The following PTN variants were observed in gnomAD, a reference collection of about 807,000 sequenced individuals.
PTN encodes the protein pleiotrophin.
PTN carries 18 observed loss-of-function variants against 24.1 expected under a neutral mutation model. That is an observed-to-expected ratio of 0.75 (90% CI 0.52 to 1.11). The LOEUF (loss-of-function observed/expected upper bound fraction) is 1.11. PTN is among the 50% of genes least tolerant of loss of function. The probability of loss-of-function intolerance (pLI) is 0.00; values close to 1 mark genes in which losing one functional copy is unlikely to be tolerated. For synonymous variants in PTN, 78 were observed against 68.6 expected (o/e 1.14, Z -0.67); for missense variants, 163 against 198.8 (o/e 0.82, Z 1.08).
chr7:137,320,487 G>T (rs1463300084), intron 1 of PTN, among the ~76,000 whole-genome samples: 1 of 152,142 alleles, frequency 6.6e-6, no homozygotes, highest in African/African-American at 2.4e-5. Flanking sequence ...GCACAATCAA[G>T]TATGCAGTGA....
intron 1 of PTN, among the ~76,000 whole-genome samples, chr7:137,295,587 T>C (rs1056650706): frequency 2.0e-5 from 3 of 152,092 alleles, no homozygotes; most frequent in African/African-American, 7.2e-5. Context: ...AAAAAATGAA[T>C]ATAAAGTATA....
chr7:137,325,858 A>G (rs1212032631), intron 1 of PTN: 1 of 152,210 alleles, frequency 6.6e-6, no homozygotes, highest in Non-Finnish European at 1.5e-5. Flanking sequence ...TCCTCGGCCA[A>G]TTGGCCTCCT....
At chr7:137,284,298 C>T (rs1809520620) in intron 1 of PTN, among the ~76,000 whole-genome samples, 1 of 152,090 alleles carries the variant, frequency 6.6e-6, no homozygotes, top group African/African-American at 2.4e-5. Flanking sequence ...TGATTGCTTC[C>T]TGACCCTTCA....
chr7:137,338,341 T>C (rs1257751501), intron 1 of PTN, among the ~76,000 whole-genome samples: 6 of 152,248 alleles, frequency 3.9e-5, no homozygotes, highest in African/African-American at 1.2e-4. Context: ...GTCTGAATTC[T>C]TAAGTTGTCA....
chr7:137,287,961 T>C (rs1182814745), intron 1 of PTN, among the ~76,000 whole-genome samples: 1 of 152,180 alleles, frequency 6.6e-6, no homozygotes, highest in Non-Finnish European at 1.5e-5. Flanking sequence ...GAAAAATCTA[T>C]TGACTAAGCA....
At chr7:137,243,693 G>A (rs143066141) in intron 4 of PTN, among the ~76,000 whole-genome samples, 40 of 152,264 alleles carry the variant, frequency 2.6e-4, no homozygotes, top group African/African-American at 8.2e-4. Flanking sequence ...GGAGGTAGAC[G>A]TGACCAACTA....
chr7:137,342,899 C>G (rs139891316), intron 1 of PTN, among the ~76,000 whole-genome samples: 1 of 152,154 alleles, frequency 6.6e-6, no homozygotes, highest in Non-Finnish European at 1.5e-5. Flanking sequence ...CCAGTAGTTC[C>G]GTGAGAGACG....
At chr7:137,259,757 A>T (rs925983694) in intron 1 of PTN, among the ~76,000 whole-genome samples, 1 of 151,954 alleles carries the variant, frequency 6.6e-6, no homozygotes, top group African/African-American at 2.4e-5. Context: ...CAGGACACAA[A>T]TTAAATCTGC....
chr7:137,289,271 AC>A (rs1453933329), intron 1 of PTN, among the ~76,000 whole-genome samples: 1 of 152,202 alleles, frequency 6.6e-6, no homozygotes, highest in Non-Finnish European at 1.5e-5. Flanking sequence ...GCACCCTAGC[AC>A]TTTATCTTTC....
rs935808979 is a variant in PTN, at chr7:137,242,394, G to A, written c.451+8836C>T. On this transcript the variant is annotated intron_variant, in intron 4 of 4. Transcript: ENST00000348225. ...AACAAGGATCTGGTAACAGCAGCGTGTGGCTTGGTATGGACAGCAGGAGGG... is the reference window on the plus strand; with the variant it reads ...AACAAGGATCTGGTAACAGCAGCGTATGGCTTGGTATGGACAGCAGGAGGG... Among the ~76,000 whole-genome samples, 3 of 152,182 alleles carry A rather than the reference G, an allele frequency of 2.0e-5. No individual in the cohort carries two copies. In the East Asian group the frequency reaches 5.8e-4, roughly 29 times the overall value.
chr7:137,228,324 CT>C (rs1808369767), intron 4 of PTN, among the ~76,000 whole-genome samples: 1 of 151,650 alleles, frequency 6.6e-6, no homozygotes, highest in South Asian at 2.1e-4. Flanking sequence ...GGAACATAGC[CT>C]GCTTCTGTGT....
chr7:137,257,893 C>A (rs1808962818), intron 1 of PTN, among the ~76,000 whole-genome samples: 1 of 152,112 alleles, frequency 6.6e-6, no homozygotes, highest in Non-Finnish European at 1.5e-5. Context: ...GAAGAGAGGC[C>A]AGAAGCACCT....
chr7:137,327,117 G>T (rs1393764547), intron 1 of PTN, among the ~76,000 whole-genome samples: 1 of 152,142 alleles, frequency 6.6e-6, no homozygotes, highest in African/African-American at 2.4e-5. Flanking sequence ...AATGTAAAAG[G>T]ATCAAGGGGT....
intron 1 of PTN, among the ~76,000 whole-genome samples, chr7:137,337,285 C>T (rs1052346893): frequency 5.9e-5 from 9 of 152,106 alleles, no homozygotes; most frequent in African/African-American, 2.2e-4. Context: ...ATTTATTAGC[C>T]TAAGAAAGAG....
intron 1 of PTN, among the ~76,000 whole-genome samples, chr7:137,259,967 G>A (rs1809004813): frequency 6.6e-6 from 1 of 151,850 alleles, no homozygotes; most frequent in Non-Finnish European, 1.5e-5. Flanking sequence ...AAACTATTAT[G>A]TCTCCCACTT....
intron 4 of PTN, among the ~76,000 whole-genome samples, chr7:137,230,183 T>C (rs1201849665): frequency 6.6e-6 from 1 of 151,830 alleles, no homozygotes; most frequent in Non-Finnish European, 1.5e-5. Context: ...ATTCTGAACA[T>C]TGGACACTAT....
At chr7:137,282,900 C>T (rs1299681093) in intron 1 of PTN, among the ~76,000 whole-genome samples, 2 of 152,132 alleles carry the variant, frequency 1.3e-5, no homozygotes, top group African/African-American at 4.8e-5. Context: ...GTATCTCCCA[C>T]AAAAAATATT....
intron 1 of PTN, among the ~76,000 whole-genome samples, chr7:137,257,265 C>T (rs929318254): frequency 6.6e-6 from 1 of 152,188 alleles, no homozygotes; most frequent in Non-Finnish European, 1.5e-5. Context: ...AGGCTAAATT[C>T]TTATTATATC....
At chr7:137,315,074 G>A (rs202104390) in intron 1 of PTN, among the ~76,000 whole-genome samples, 3 of 152,156 alleles carry the variant, frequency 2.0e-5, no homozygotes, top group Non-Finnish European at 4.4e-5. Context: ...GGAGTCAGAC[G>A]CTCATAGATA....
Sources: gnomAD v4.1 joint callset for allele counts (sites outside exome capture counted in the v4.1 genomes callset) on GRCh38, gnomAD v4.1.1 for gene constraint, MANE v1.5 for transcripts, NCBI Gene and HGNC (gene_info 2026-07-23, HGNC 2026-07-21) for gene names.